DDX10: variants seen among roughly 807,000 people sequenced by gnomAD.
DDX10 encodes the protein probable ATP-dependent RNA helicase DDX10.
Under a neutral mutation model 104.3 loss-of-function variants are expected in DDX10, and 74 were observed. The ratio of observed to expected loss-of-function variants is 0.71; its 90% confidence interval spans 0.59 to 0.86. The LOEUF (loss-of-function observed/expected upper bound fraction) is 0.86. DDX10 is among the 40% of genes least tolerant of loss of function. The pLI is 0.00. For missense variants in DDX10, 952 were observed against 1,040.0 expected (o/e 0.92, Z 1.16); for synonymous variants, 351 against 353.4 (o/e 0.99, Z 0.08).
rs1236035074 is a variant in DDX10, at chr11:108,723,353, T to C, written c.1856T>C (p.Val619Ala). ...AGTGAGGCACAGAAGATCAAGGAAGTTCCTACACAGTTCTTGGACAGAGAT... is the reference window on the plus strand; with the variant it reads ...AGTGAGGCACAGAAGATCAAGGAAGCTCCTACACAGTTCTTGGACAGAGAT... ...NTSEAQKIKE[V>A]PTQFLDRDEE... The change falls in exon 13 of 18, where the codon GTT (valine) becomes GCT (alanine). Residue 619 changes from valine (V) to alanine (A), a missense_variant. By Grantham distance (64) the Val-to-Ala change is moderately conservative. Coordinates refer to ENST00000322536, the MANE Select transcript of DDX10 (RefSeq NM_004398.4). 6.2e-7 allele frequency: 1 copy of C among 1,613,912 alleles called. No homozygotes were observed. The highest frequency in any genetic ancestry group is 8.5e-7 in the Non-Finnish European group (1 of 1,179,922).
intron 10 of DDX10, 22 bp from the exon 11 acceptor site, chr11:108,715,857 C>A: frequency 8.0e-7 from 1 of 1,254,784 alleles, no homozygotes; most frequent in Non-Finnish European, 1.1e-6. Flanking sequence ...CTTATTTTAA[C>A]CTTTATCTTT....
chr11:108,759,242 T>A (rs1350301552), intron 13 of DDX10, among the ~76,000 whole-genome samples: 1 of 152,114 alleles, frequency 6.6e-6, no homozygotes, highest in Non-Finnish European at 1.5e-5. Flanking sequence ...AAAACTTTGC[T>A]TAAGTTTCTT....
chr11:108,706,772 G>A lies in DDX10; in HGVS notation c.1257G>A (p.Leu419=). Residue 419 remains leucine, a synonymous_variant, in exon 10 of 18, where the codon TTG becomes TTA. Transcript: ENST00000322536. The part of the protein sequence containing the change: ...YKEDGEALLI[L]LPSEKAMVQQ... Reference sequence around the variant, plus strand: ...AGGATGGTGAAGCTTTGCTAATTTTGCTACCCTCAGAAAAAGCTATGGTGC... The same window carrying A: ...AGGATGGTGAAGCTTTGCTAATTTTACTACCCTCAGAAAAAGCTATGGTGC... The A allele has an allele frequency of 6.2e-7, 1 of 1,614,014 alleles. No individual in the cohort carries two copies. The highest frequency in any genetic ancestry group is 8.5e-7 in the Non-Finnish European group (1 of 1,179,960).
chr11:108,896,666 A>G (rs1863445378), intron 16 of DDX10, among the ~76,000 whole-genome samples: 1 of 152,172 alleles, frequency 6.6e-6, no homozygotes, highest in South Asian at 2.1e-4. Context: ...TAACTGATAC[A>G]TATTTAGAGG....
chr11:108,780,297 A>C (rs1371165600), intron 13 of DDX10, among the ~76,000 whole-genome samples: 1 of 152,214 alleles, frequency 6.6e-6, no homozygotes, highest in African/African-American at 2.4e-5. Flanking sequence ...GAAGGAACAG[A>C]GTTTAATATT....
intron 16 of DDX10, among the ~76,000 whole-genome samples, chr11:108,853,393 T>C (rs892274345): frequency 2.0e-5 from 3 of 152,254 alleles, no homozygotes; most frequent in Non-Finnish European, 4.4e-5. Context: ...CTCTCATTTC[T>C]GCATATATAA....
At chr11:108,875,116 A>G (rs1863134819) in intron 16 of DDX10, among the ~76,000 whole-genome samples, 2 of 152,162 alleles carry the variant, frequency 1.3e-5, no homozygotes, top group South Asian at 4.1e-4. Flanking sequence ...AGAAAACCCT[A>G]ACCCAAGAAA....
intron 13 of DDX10, among the ~76,000 whole-genome samples, chr11:108,771,317 TATTG>T (rs2094362821): frequency 6.6e-6 from 1 of 152,072 alleles, no homozygotes; most frequent in African/African-American, 2.4e-5. Flanking sequence ...CTCTTTACTT[TATTG>T]ATTGTTTCCT....
chr11:108,710,262 CTA>C (rs2094282356), intron 10 of DDX10, among the ~76,000 whole-genome samples: 1 of 152,124 alleles, frequency 6.6e-6, no homozygotes, highest in South Asian at 2.1e-4. Flanking sequence ...GTAGGCTACA[CTA>C]AACTTTTTTT....
At chr11:108,883,202 C>T (rs1386240255) in intron 16 of DDX10, among the ~76,000 whole-genome samples, 1 of 152,012 alleles carries the variant, frequency 6.6e-6, no homozygotes, top group East Asian at 1.9e-4. Context: ...CTTCCTGGTT[C>T]GTCCTATATT....
chr11:108,779,143 T>C (rs1339591761), intron 13 of DDX10, among the ~76,000 whole-genome samples: 2 of 152,156 alleles, frequency 1.3e-5, no homozygotes, highest in African/African-American at 4.8e-5. Flanking sequence ...TCCTCAGGGA[T>C]CTAGAACTAG....
chr11:108,936,977 A>G (rs1864044578), intron 17 of DDX10, among the ~76,000 whole-genome samples: 1 of 152,232 alleles, frequency 6.6e-6, no homozygotes, highest in Admixed American at 6.5e-5. Flanking sequence ...TCAATTTAGT[A>G]TCAGGAAATA....
At chr11:108,835,638 G>A (rs1862544719) in intron 13 of DDX10, among the ~76,000 whole-genome samples, 1 of 152,236 alleles carries the variant, frequency 6.6e-6, no homozygotes. Context: ...GCTCGAGCCA[G>A]TGGCTCAAGG....
At chr11:108,797,302 G>T (rs1317181085) in intron 13 of DDX10, among the ~76,000 whole-genome samples, 1 of 152,116 alleles carries the variant, frequency 6.6e-6, no homozygotes, top group Non-Finnish European at 1.5e-5. Context: ...AAAGTGTTGG[G>T]ATTACAGGCG....
At chr11:108,938,621 G>A (rs1401672475) in intron 17 of DDX10, among the ~76,000 whole-genome samples, 2 of 152,024 alleles carry the variant, frequency 1.3e-5, no homozygotes, top group Non-Finnish European at 2.9e-5. Context: ...TTAATTCTTT[G>A]CTGACTGAAT....
At chr11:108,887,684 G>A (rs895545792) in intron 16 of DDX10, among the ~76,000 whole-genome samples, 2 of 152,028 alleles carry the variant, frequency 1.3e-5, no homozygotes, top group Admixed American at 1.3e-4. Flanking sequence ...GGAGGCCAAG[G>A]CGGGTGGTTC....
chr11:108,798,772 A>G (rs907563202), intron 13 of DDX10, among the ~76,000 whole-genome samples: 14 of 151,842 alleles, frequency 9.2e-5, no homozygotes, highest in African/African-American at 3.4e-4. Context: ...GGGAGAAAAG[A>G]TTTTGGGGCT....
At chr11:108,691,534 T>C (rs2094252500) in intron 7 of DDX10, among the ~76,000 whole-genome samples, 1 of 152,226 alleles carries the variant, frequency 6.6e-6, no homozygotes, top group Non-Finnish European at 1.5e-5. Context: ...ATTTTAATAA[T>C]TGCTGAGTCT....
chr11:108,715,161 T>C (rs572619036), intron 10 of DDX10, among the ~76,000 whole-genome samples: 1 of 152,180 alleles, frequency 6.6e-6, no homozygotes, highest in East Asian at 1.9e-4. Flanking sequence ...AATCTTTGGC[T>C]ACTTGTTTAT....
Sources: gnomAD v4.1 joint callset for allele counts (sites outside exome capture counted in the v4.1 genomes callset) on GRCh38, gnomAD v4.1.1 for gene constraint, MANE v1.5 for transcripts, NCBI Gene and HGNC (gene_info 2026-07-23, HGNC 2026-07-21) for gene names.